The following PCDHAC1 variants were observed in gnomAD, a reference collection of about 807,000 sequenced individuals.
PCDHAC1 encodes protocadherin alpha-C1.
Under a neutral mutation model 60.0 loss-of-function variants are expected in PCDHAC1, and 42 were observed. That is an observed-to-expected ratio of 0.70 (90% confidence interval 0.55 to 0.90). The LOEUF is 0.90. Among genes scored for constraint, PCDHAC1 ranks in the 40% least tolerant of loss-of-function variants. The pLI is 0.00. For synonymous variants in PCDHAC1, 468 were observed against 499.3 expected (o/e 0.94, Z 0.84); for missense variants, 1,160 against 1,222.3 (o/e 0.95, Z 0.76).
intron 1 of PCDHAC1, among the ~76,000 whole-genome samples, chr5:140,973,915 A>T (rs1401328396): frequency 2.0e-5 from 3 of 152,242 alleles, no homozygotes; most frequent in African/African-American, 7.2e-5. Context: ...CATTCCTGTC[A>T]CCAAACCCAG....
chr5:140,980,091 T>A (rs2096876102), intron 2 of PCDHAC1, among the ~76,000 whole-genome samples: 1 of 152,218 alleles, frequency 6.6e-6, no homozygotes, highest in Non-Finnish European at 1.5e-5. Flanking sequence ...GTAGTTGGCT[T>A]GGTAAGATGT....
chr5:141,006,436 A>G (rs2153987648), intron 3 of PCDHAC1, among the ~76,000 whole-genome samples: 1 of 152,098 alleles, frequency 6.6e-6, no homozygotes, highest in African/African-American at 2.4e-5. Context: ...GATGGTCTCA[A>G]TCTCCTGACC....
chr5:140,929,207 G>T lies in PCDHAC1; in HGVS notation c.2315G>T (p.Arg772Leu), dbSNP rs782298445. The change falls in exon 1 of 4, where the codon CGT becomes CTT. Residue 772 changes from arginine (R) to leucine (L), a missense_variant. Physicochemically the swap from Arg to Leu is moderately radical, Grantham distance 102. Transcript: ENST00000253807. Reference protein sequence around the residue: ...LGSDNNSLLLRGEYNAADLRN... With the variant: ...LGSDNNSLLLLGEYNAADLRN... ...TCTGATAATAACAGTTTGCTGTTGCGTGGGGAGTACAATGCTGCCGACCTG... is the reference window on the plus strand; with the variant it reads ...TCTGATAATAACAGTTTGCTGTTGCTTGGGGAGTACAATGCTGCCGACCTG... 1.2e-6 allele frequency: 2 copies of T among 1,614,106 alleles called. No individual in the cohort carries two copies. Among genetic ancestry groups the T allele is most frequent in the Non-Finnish European group, 1.7e-6 (2 of 1,179,992 alleles).
At chr5:140,996,655 A>G (rs974466773) in intron 3 of PCDHAC1, among the ~76,000 whole-genome samples, 5 of 152,226 alleles carry the variant, frequency 3.3e-5, no homozygotes, top group African/African-American at 1.2e-4. Context: ...TCCTGGGTGC[A>G]GGCTAGTTTT....
chr5:140,996,659 T>C (rs2097736809), intron 3 of PCDHAC1, among the ~76,000 whole-genome samples: 1 of 152,230 alleles, frequency 6.6e-6, no homozygotes, highest in Non-Finnish European at 1.5e-5. Context: ...GGGTGCAGGC[T>C]AGTTTTTGAA....
At chr5:140,948,708 C>T (rs1376587735) in intron 1 of PCDHAC1, among the ~76,000 whole-genome samples, 1 of 151,114 alleles carries the variant, frequency 6.6e-6, no homozygotes, top group Non-Finnish European at 1.5e-5. Flanking sequence ...TGTGTTCTAT[C>T]CTCTTTTTTA....
At chr5:140,967,022 A>G (rs2096084806) in intron 1 of PCDHAC1, 1 of 1,608,014 alleles carries the variant, frequency 6.2e-7, no homozygotes, top group Middle Eastern at 1.7e-4. Context: ...GGGTGCGCCC[A>G]GTCCGCGCTA....
intron 1 of PCDHAC1, chr5:140,930,059 A>G (rs1486359495): frequency 6.6e-6 from 1 of 152,200 alleles, no homozygotes; most frequent in Non-Finnish European, 1.5e-5. Flanking sequence ...TTGCTTACAC[A>G]AAAACTGTAA....
At chr5:140,960,923 G>A (rs1478943565) in intron 1 of PCDHAC1, among the ~76,000 whole-genome samples, 1 of 152,168 alleles carries the variant, frequency 6.6e-6, no homozygotes, top group African/African-American at 2.4e-5. Context: ...TAGAAAATTG[G>A]TACTAAGTTT....
intron 1 of PCDHAC1, among the ~76,000 whole-genome samples, chr5:140,978,737 G>A (rs2096820627): frequency 6.6e-6 from 1 of 152,180 alleles, no homozygotes; most frequent in Admixed American, 6.5e-5. Context: ...GGTCTTCCAG[G>A]GTATCTAATC....
intron 1 of PCDHAC1, among the ~76,000 whole-genome samples, chr5:140,962,908 C>G (rs2095718284): frequency 1.3e-5 from 2 of 152,146 alleles, no homozygotes. Context: ...AGCTCCTTCC[C>G]TATTTGACAG....
At chr5:141,008,528 G>C (rs1343778561) in intron 3 of PCDHAC1, among the ~76,000 whole-genome samples, 5 of 152,070 alleles carry the variant, frequency 3.3e-5, no homozygotes, top group African/African-American at 9.7e-5. Flanking sequence ...AGACTCTTGG[G>C]AATGTCTTTT....
Position 141,010,117 on chromosome 5 carries a change from T to C in PCDHAC1, c.*180T>C. Reference sequence around the variant, plus strand: ...TTTAACAGGTTTTGTCGTAAAAGCTTTACTAAGTCTGGTGTTAACTCTTTC... The same window carrying C: ...TTTAACAGGTTTTGTCGTAAAAGCTCTACTAAGTCTGGTGTTAACTCTTTC... On this transcript the variant is annotated 3_prime_UTR_variant, in exon 4 of 4. Transcript: ENST00000253807. 1 of 1,608,612 alleles carries C rather than the reference T, an allele frequency of 6.2e-7. No individual in the cohort carries two copies. The highest frequency in any genetic ancestry group is 8.5e-7 in the Non-Finnish European group (1 of 1,177,044).
intron 3 of PCDHAC1, among the ~76,000 whole-genome samples, chr5:140,995,652 C>T (rs1018975214): frequency 2.0e-5 from 3 of 151,828 alleles, no homozygotes; most frequent in East Asian, 1.9e-4. Context: ...AAAGGAGAAT[C>T]GAAAAGGGAA....
chr5:140,926,899 G>A lies in PCDHAC1; in HGVS notation c.7G>A (p.Gly3Ser), dbSNP rs1554203765. Residue 3 changes from glycine (G) to serine (S), a missense_variant, in exon 1 of 4, where the codon GGC (glycine) becomes AGC (serine). By Grantham distance (56) the Gly-to-Ser change is moderately conservative. Transcript: ENST00000253807. ...GTGGACGCCTAGAGGGAGGATGGTG[G>A]GCTGTGGGGTGGCAGTTTTATGTTT... is the stretch of plus-strand genomic sequence containing the variant. MV[G>S]CGVAVLCLWV... 2 of 1,552,028 alleles carry A rather than the reference G, an allele frequency of 1.3e-6. No individual in the cohort carries two copies. The highest frequency in any genetic ancestry group is 1.7e-6 in the Non-Finnish European group (2 of 1,146,972).
At chr5:140,981,380 C>T (rs2096929731) in intron 2 of PCDHAC1, among the ~76,000 whole-genome samples, 1 of 152,054 alleles carries the variant, frequency 6.6e-6, no homozygotes, top group Non-Finnish European at 1.5e-5. Flanking sequence ...TCAAGACCAG[C>T]CTGGTCAATA....
At chr5:140,932,734 C>G (rs1295804671) in intron 1 of PCDHAC1, among the ~76,000 whole-genome samples, 2 of 151,588 alleles carry the variant, frequency 1.3e-5, no homozygotes, top group Non-Finnish European at 1.5e-5. Context: ...AATATAGACC[C>G]TCAAATCAGT....
At chr5:140,980,436 C>T (rs1364418994) in intron 2 of PCDHAC1, among the ~76,000 whole-genome samples, 1 of 152,134 alleles carries the variant, frequency 6.6e-6, no homozygotes, top group Admixed American at 6.5e-5. Context: ...TCGAGACCAT[C>T]CTGGACAACA....
chr5:140,981,468 G>A (rs1554242887), intron 2 of PCDHAC1, among the ~76,000 whole-genome samples: 1 of 152,172 alleles, frequency 6.6e-6, no homozygotes, highest in Non-Finnish European at 1.5e-5. Context: ...CAGCTACTTG[G>A]GAGGCTGAGG....
Sources: allele counts gnomAD v4.1 joint callset (sites outside exome capture counted in the v4.1 genomes callset), GRCh38; gene constraint gnomAD v4.1.1; transcripts MANE v1.5; gene names NCBI Gene and HGNC (gene_info 2026-07-23, HGNC 2026-07-21).